WSCD2: variants seen among roughly 807,000 people sequenced by gnomAD.
The protein encoded by WSCD2 is sialate:O-sulfotransferase 2.
WSCD2 carries 28 observed loss-of-function variants against 55.7 expected under a neutral mutation model. The observed-to-expected ratio is 0.50, with a 90% confidence interval of 0.37 to 0.69. WSCD2 has a LOEUF of 0.69. Ranked by LOEUF, WSCD2 falls within the 30% of genes least tolerant of loss-of-function variation. The pLI is 0.00. For missense variants in WSCD2, 616 were observed against 762.1 expected (o/e 0.81, Z 2.26); for synonymous variants, 301 against 301.9 (o/e 1.00, Z 0.03).
chr12:108,207,237 C>A (rs1885508764), intron 3 of WSCD2, among the ~76,000 whole-genome samples: 1 of 152,178 alleles, frequency 6.6e-6, no homozygotes, highest in Non-Finnish European at 1.5e-5. Flanking sequence ...TGAAGAGGCT[C>A]TAATATGCTC....
In WSCD2 at chr12:108,129,719, A is replaced by G. The variant is rs879651788; in HGVS notation, c.-759A>G. ...GCGCAGAGGATGCCCCTTGAGCCAG[A>G]CCTGGAGAAATAGCCCCAGGGCCCG... is the stretch of plus-strand genomic sequence containing the variant. On this transcript the variant is annotated 5_prime_UTR_variant, in exon 1 of 9. Coordinates refer to ENST00000547525, the MANE Select transcript of WSCD2 (RefSeq NM_014653.4). 2 of 152,302 alleles carry G rather than the reference A, an allele frequency of 1.3e-5. No homozygotes were observed. The highest frequency in any genetic ancestry group is 2.9e-5 in the Non-Finnish European group (2 of 68,088). The allele number at this position is 152,302 out of a possible 1,614,324, so 9.4% of individuals were successfully genotyped here.
intron 1 of WSCD2, among the ~76,000 whole-genome samples, chr12:108,137,959 C>A (rs1749295432): frequency 6.6e-6 from 1 of 152,274 alleles, no homozygotes; most frequent in Non-Finnish European, 1.5e-5. Flanking sequence ...AGATCTTAGC[C>A]ACTTAACAGC....
intron 8 of WSCD2, among the ~76,000 whole-genome samples, chr12:108,245,541 C>T (rs932884363): frequency 6.6e-6 from 1 of 152,194 alleles, no homozygotes; most frequent in Non-Finnish European, 1.5e-5. Flanking sequence ...TTGAGCCATC[C>T]TGCAGCCCTC....
intron 1 of WSCD2, among the ~76,000 whole-genome samples, chr12:108,140,081 C>T (rs1876626900): frequency 6.6e-6 from 1 of 152,174 alleles, no homozygotes; most frequent in African/African-American, 2.4e-5. Flanking sequence ...AGGGCAAGAA[C>T]TCAGAAGGTA....
At chr12:108,134,301 A>C (rs984633754) in intron 1 of WSCD2, among the ~76,000 whole-genome samples, 2 of 152,032 alleles carry the variant, frequency 1.3e-5, no homozygotes, top group Non-Finnish European at 2.9e-5. Context: ...AGGAGCAGGC[A>C]AAACTTATGC....
chr12:108,166,748 C>CTTTA lies in WSCD2; in HGVS notation c.-551-28531_-551-28530insATTT, dbSNP rs1879654533. ...TTTCTCTTTCTTTCTTTCTTTCCTTCTTTCTTTCTTTCTTTTCTTTCTTTC... is the reference window on the plus strand; with the variant it reads ...TTTCTCTTTCTTTCTTTCTTTCCTTCTTTATTTCTTTCTTTCTTTTCTTTCTTTC... On this transcript the variant is annotated intron_variant, in intron 1 of 8. Transcript: ENST00000547525. 1.7e-4 allele frequency among the ~76,000 whole-genome samples: 8 copies of CTTTA among 48,098 alleles called. No individual in the cohort carries two copies. The South Asian group carries it at 5.6e-3, about 34-fold the overall frequency. 31.6% of individuals were successfully genotyped at this position (48,098 alleles called of 152,430 possible).
intron 1 of WSCD2, among the ~76,000 whole-genome samples, chr12:108,168,536 TTAC>T: frequency 4.1e-5 from 1 of 24,664 alleles, no homozygotes; most frequent in Non-Finnish European, 2.4e-4. Flanking sequence ...GTTATTCCAC[TTAC>T]TTACTGAATG....
Position 108,248,272 on chromosome 12 carries a change from A to G in WSCD2, c.1627A>G (p.Ile543Val). ...ADMQKTISAY[I>V]KMVDAALKGR... Reference sequence around the variant, plus strand: ...CATGCAGAAGACCATCTCTGCCTACATCAAGATGGTGGATGCAGCCCTCAA... The same window carrying G: ...CATGCAGAAGACCATCTCTGCCTACGTCAAGATGGTGGATGCAGCCCTCAA... The change falls in exon 9 of 9, where the codon ATC (isoleucine) becomes GTC (valine). Residue 543 changes from isoleucine to valine, a missense_variant. Ile to Val is a conservative substitution (Grantham distance 29). Transcript: ENST00000547525. The surrounding 1 kb of genome is among the most constrained non-coding windows in gnomAD (Gnocchi z 4.3). The G allele has an allele frequency of 6.2e-7, 1 of 1,614,218 alleles. No individual in the cohort carries two copies. Among genetic ancestry groups the G allele is most frequent in the Non-Finnish European group, 8.5e-7 (1 of 1,180,042 alleles).
chr12:108,192,558 T>C (rs962678074), intron 1 of WSCD2, among the ~76,000 whole-genome samples: 2 of 152,190 alleles, frequency 1.3e-5, no homozygotes, highest in Non-Finnish European at 2.9e-5. Context: ...CATGTGTGTT[T>C]TTAGAACACA....
At chr12:108,187,448 A>G (rs1016503819) in intron 1 of WSCD2, among the ~76,000 whole-genome samples, 1 of 152,236 alleles carries the variant, frequency 6.6e-6, no homozygotes, top group Non-Finnish European at 1.5e-5. Context: ...TGACAGGTTT[A>G]GCATACGGTT....
chr12:108,166,761 TTTTCTTTC>T (rs1555225180), intron 1 of WSCD2, among the ~76,000 whole-genome samples: 9 of 124,886 alleles, frequency 7.2e-5, no homozygotes, highest in Non-Finnish European at 1.2e-4. Context: ...TCTTTCTTTC[TTTTCTTTC>T]TTTCTTTCTT....
intron 7 of WSCD2, among the ~76,000 whole-genome samples, chr12:108,234,023 G>A (rs1344086032): frequency 6.6e-6 from 1 of 152,178 alleles, no homozygotes; most frequent in East Asian, 1.9e-4. Flanking sequence ...TACCTCATGA[G>A]GTTGTTTCAA....
At chr12:108,186,551 C>T (rs1482512397) in intron 1 of WSCD2, among the ~76,000 whole-genome samples, 1 of 152,220 alleles carries the variant, frequency 6.6e-6, no homozygotes, top group Non-Finnish European at 1.5e-5. Flanking sequence ...GATCTTTTTA[C>T]TGTCTCCATA....
intron 2 of WSCD2, 32 bp downstream of exon 2, chr12:108,196,246 G>T (rs961728262): frequency 1.9e-6 from 3 of 1,582,968 alleles, no homozygotes; most frequent in Non-Finnish European, 2.6e-6. Flanking sequence ...ACACTGAGGG[G>T]CTGGGGAGAA....
intron 1 of WSCD2, among the ~76,000 whole-genome samples, chr12:108,133,512 G>A (rs1220760315): frequency 6.6e-6 from 1 of 152,168 alleles, no homozygotes; most frequent in Non-Finnish European, 1.5e-5. Context: ...GTATAAACAA[G>A]TGTGTGGGTG....
At chr12:108,243,948 C>T (rs1889926165) in intron 8 of WSCD2, among the ~76,000 whole-genome samples, 1 of 152,218 alleles carries the variant, frequency 6.6e-6, no homozygotes, top group African/African-American at 2.4e-5. Context: ...GTTAATTTTA[C>T]AATCTCCCTA....
chr12:108,237,984 G>C (rs1889402613), intron 7 of WSCD2, among the ~76,000 whole-genome samples: 1 of 152,154 alleles, frequency 6.6e-6, no homozygotes, highest in Non-Finnish European at 1.5e-5. Flanking sequence ...TATACCCCCT[G>C]CCTGTGTTTT....
rs934552047 is a variant in WSCD2, at chr12:108,190,551, G to C, written c.-551-4731G>C. Among the ~76,000 whole-genome samples, 14 of 152,190 alleles carry C rather than the reference G, an allele frequency of 9.2e-5. 1 individual carries two copies. The highest frequency in any genetic ancestry group is 2.0e-4 in the Admixed American group (3 of 15,288). Reference sequence around the variant, plus strand: ...GGGGGAGGCATAATTTTACTCCCAGGGGAGGTAAGGAACCACAGGGCAGGC... The same window carrying C: ...GGGGGAGGCATAATTTTACTCCCAGCGGAGGTAAGGAACCACAGGGCAGGC... On this transcript the variant is annotated intron_variant, in intron 1 of 8. Coordinates refer to ENST00000547525, the MANE Select transcript of WSCD2 (RefSeq NM_014653.4).
chr12:108,130,475 GGTGTGTGTGTGTGTGTGT>G (rs559546028), intron 1 of WSCD2, among the ~76,000 whole-genome samples: 11 of 134,418 alleles, frequency 8.2e-5, no homozygotes, highest in South Asian at 2.5e-4. Flanking sequence ...TCCATTCTGG[GGTGTGTGTGTGTGTGTGT>G]GTGTGTGTGT....
Sources: allele counts gnomAD v4.1 joint callset (sites outside exome capture counted in the v4.1 genomes callset), GRCh38; gene constraint gnomAD v4.1.1; non-coding constraint Gnocchi (gnomAD v3.1); transcripts MANE v1.5; gene names NCBI Gene and HGNC (gene_info 2026-07-23, HGNC 2026-07-21).